Variants in SLC35G2 observed in about 807,000 individuals in gnomAD.
SLC35G2 encodes solute carrier family 35 member G2, also known as transmembrane protein 22.
Under a neutral mutation model 27.2 loss-of-function variants are expected in SLC35G2, and 20 were observed. That is an observed-to-expected ratio of 0.74 (90% CI 0.52 to 1.07). SLC35G2 has a LOEUF of 1.07. Ranked by LOEUF, SLC35G2 falls within the 50% of genes least tolerant of loss-of-function variation. SLC35G2 has a pLI of 0.00. For synonymous variants in SLC35G2, 148 were observed against 165.3 expected, an observed-to-expected ratio of 0.90 and a Z score of 0.80; for missense variants, 416 against 493.3, an observed-to-expected ratio of 0.84 and a Z score of 1.48.
intron 1 of SLC35G2, chr3:136,837,699 A>T (rs1476139066): frequency 6.6e-6 from 1 of 152,210 alleles, no homozygotes; most frequent in East Asian, 1.9e-4. Context: ...GTATAAAGAA[A>T]GCCATGATGA....
At chr3:136,826,610 A>T (rs1189880946) in intron 1 of SLC35G2, among the ~76,000 whole-genome samples, 1 of 151,914 alleles carries the variant, frequency 6.6e-6, no homozygotes, top group Non-Finnish European at 1.5e-5. Flanking sequence ...TATCAGTTGT[A>T]ATGTCTCCTT....
At chr3:136,839,707 C>T (rs566093866) in intron 1 of SLC35G2, among the ~76,000 whole-genome samples, 2 of 152,256 alleles carry the variant, frequency 1.3e-5, no homozygotes, top group Admixed American at 6.5e-5. Flanking sequence ...CAATCTTTTC[C>T]CTCCCAGAGC....
rs755530659 is a variant in SLC35G2 at position 136,855,099 on chromosome 3, C to T, written c.639C>T (p.Leu213=). 8.7e-6 allele frequency: 14 copies of T among 1,614,122 alleles called. No individual in the cohort carries two copies. In the East Asian group the frequency reaches 2.0e-4, roughly 23 times the overall value. The change falls in exon 2 of 2, where the codon CTC becomes CTT. Residue 213 remains leucine (L), a synonymous_variant. Transcript: ENST00000446465. The part of the protein sequence containing the change: ...TVFSAILAFL[L]VDEKMAYVDM... ...TCAGTGCCATTTTGGCTTTTTTACT[C>T]GTAGATGAGAAAATGGCTTATGTTG...
chr3:136,839,685 T>G (rs1474710537), intron 1 of SLC35G2, among the ~76,000 whole-genome samples: 2 of 152,192 alleles, frequency 1.3e-5, no homozygotes, highest in Non-Finnish European at 2.9e-5. Flanking sequence ...TATTTATTTC[T>G]TTTGTTTTTC....
chr3:136,853,694 T>C (rs962849408), intron 1 of SLC35G2, among the ~76,000 whole-genome samples: 1 of 152,328 alleles, frequency 6.6e-6, no homozygotes, highest in Non-Finnish European at 1.5e-5. Flanking sequence ...TAAACAAATA[T>C]AAATACGTAT....
Position 136,849,173 on chromosome 3 carries a change from C to T in SLC35G2, c.-18-5270C>T, listed in dbSNP as rs537658696. On this transcript the variant is annotated intron_variant, in intron 1 of 1. Transcript: ENST00000446465. ...AGCCTGGGCAACAAGAACGAAACTC[C>T]GTCTCAAAAAAAAAAAAAGATTATA... 6.7e-5 allele frequency among the ~76,000 whole-genome samples: 10 copies of T among 149,358 alleles called. No homozygotes were observed. In the South Asian group the frequency reaches 1.0e-3, roughly 16 times the overall value.
At chr3:136,841,358 A>G (rs575471549) in intron 1 of SLC35G2, among the ~76,000 whole-genome samples, 1 of 152,306 alleles carries the variant, frequency 6.6e-6, no homozygotes, top group Admixed American at 6.5e-5. Flanking sequence ...AAGCTCATGG[A>G]TAGAATGAAG....
intron 1 of SLC35G2, among the ~76,000 whole-genome samples, chr3:136,845,158 C>T (rs1203645666): frequency 6.6e-6 from 1 of 152,092 alleles, no homozygotes; most frequent in Non-Finnish European, 1.5e-5. Flanking sequence ...CTGGAAGGGT[C>T]TGTAGTTGTC....
intron 1 of SLC35G2, among the ~76,000 whole-genome samples, chr3:136,829,056 T>G (rs1936658237): frequency 6.6e-6 from 1 of 152,216 alleles, no homozygotes; most frequent in Non-Finnish European, 1.5e-5. Context: ...AACTTTTTGT[T>G]GTTTCTCTTT....
At position 136,855,600 on chromosome 3, in the gene SLC35G2, C is replaced by G. The variant is rs1016792414; in HGVS notation, c.1140C>G (p.Ile380Met). Residue 380 changes from isoleucine (I) to methionine (M), a missense_variant, in exon 2 of 2, where the codon ATC becomes ATG. Ile to Met is a conservative substitution (Grantham distance 10). Coordinates refer to ENST00000446465, the MANE Select transcript of SLC35G2 (RefSeq NM_025246.3). Reference sequence around the variant, plus strand: ...TCTATGATGTTTTTGGAGGGGTAATCATTATGATTAGTGTTTTTGTCCTTG... The same window carrying G: ...TCTATGATGTTTTTGGAGGGGTAATGATTATGATTAGTGTTTTTGTCCTTG... ...PSIYDVFGGV[I>M]IMISVFVLAG... The G allele has an allele frequency of 6.2e-7, 1 of 1,613,974 alleles. No homozygotes were observed. Among genetic ancestry groups the G allele is most frequent in the African/African-American group, 1.3e-5 (1 of 75,008 alleles).
At chr3:136,834,384 A>G (rs927552226) in intron 1 of SLC35G2, among the ~76,000 whole-genome samples, 3 of 152,188 alleles carry the variant, frequency 2.0e-5, no homozygotes, top group African/African-American at 7.2e-5. Context: ...CTGAGGCTGC[A>G]GTGCAGTGGC....
chr3:136,845,926 T>C (rs1394139828), intron 1 of SLC35G2, among the ~76,000 whole-genome samples: 1 of 152,066 alleles, frequency 6.6e-6, no homozygotes, highest in African/African-American at 2.4e-5. Context: ...TGGTTACTTT[T>C]ATGTGTCCAC....
chr3:136,848,586 A>G (rs1186864396), intron 1 of SLC35G2, among the ~76,000 whole-genome samples: 1 of 152,188 alleles, frequency 6.6e-6, no homozygotes, highest in Non-Finnish European at 1.5e-5. Context: ...GGTGACAAAA[A>G]GCCATCATAG....
At chr3:136,851,107 G>A (rs1347328809) in intron 1 of SLC35G2, among the ~76,000 whole-genome samples, 1 of 152,170 alleles carries the variant, frequency 6.6e-6, no homozygotes, top group Non-Finnish European at 1.5e-5. Flanking sequence ...AAGTACTACT[G>A]CAGATGTTTA....
intron 1 of SLC35G2, 58 bp from the exon 2 acceptor site, chr3:136,854,385 T>C (rs559699660): frequency 2.6e-5 from 30 of 1,156,292 alleles, no homozygotes; most frequent in South Asian, 1.7e-4. Context: ...ATGATTATAA[T>C]AGAAATTAAA....
intron 1 of SLC35G2, among the ~76,000 whole-genome samples, chr3:136,834,382 G>A (rs1560012378): frequency 6.6e-6 from 1 of 152,178 alleles, no homozygotes; most frequent in Non-Finnish European, 1.5e-5. Flanking sequence ...GGCTGAGGCT[G>A]CAGTGCAGTG....
At position 136,840,539 on chromosome 3, in the gene SLC35G2, T is replaced by C. The variant is rs375100954; in HGVS notation, c.-18-13904T>C. ...CTTCCTCTCTCTCTCCCTCCCTCCC[T>C]CTCTCCCTTCCTTCTCTTTTTCTCT... On this transcript the variant is annotated intron_variant, in intron 1 of 1. Coordinates refer to ENST00000446465, the MANE Select transcript of SLC35G2 (RefSeq NM_025246.3). Among the ~76,000 whole-genome samples the C allele has an allele frequency of 5.9e-5, 8 of 135,846 alleles. No individual in the cohort carries two copies. In the East Asian group the frequency reaches 2.0e-3, roughly 33 times the overall value. The allele number at this position is 135,846 out of a possible 152,430, so 89.1% of individuals were successfully genotyped here.
intron 1 of SLC35G2, among the ~76,000 whole-genome samples, chr3:136,831,505 C>A (rs1012128764): frequency 2.6e-5 from 4 of 152,110 alleles, no homozygotes; most frequent in African/African-American, 9.7e-5. Flanking sequence ...TACATAGGCA[C>A]CTCACAATGA....
intron 1 of SLC35G2, among the ~76,000 whole-genome samples, chr3:136,853,928 T>C (rs1270013765): frequency 1.3e-5 from 2 of 152,220 alleles, no homozygotes; most frequent in Admixed American, 6.5e-5. Flanking sequence ...TGTATTTTTA[T>C]ATCTCAAAAC....
Sources: allele counts gnomAD v4.1 joint callset (sites outside exome capture counted in the v4.1 genomes callset), GRCh38; gene constraint gnomAD v4.1.1; transcripts MANE v1.5; gene names NCBI Gene and HGNC (gene_info 2026-07-23, HGNC 2026-07-21).